The following MMP26 variants were observed in gnomAD, a reference collection of about 807,000 sequenced individuals.
The protein encoded by MMP26 is matrix metallopeptidase 26.
In MMP26, 33 loss-of-function variants were observed where a neutral mutation model predicts 31.0. That is an observed-to-expected ratio of 1.06 (90% CI 0.81 to 1.42). The LOEUF (loss-of-function observed/expected upper bound fraction) is 1.42, where lower values mean the gene tolerates loss of function less well. MMP26 is among the 40% of genes most tolerant of loss of function. The probability of loss-of-function intolerance (pLI) is 0.00; values close to 1 mark genes in which losing one functional copy is unlikely to be tolerated. For synonymous variants in MMP26, 122 were observed against 114.9 expected, an observed-to-expected ratio of 1.06 and a Z score of -0.40; for missense variants, 347 against 316.1, an observed-to-expected ratio of 1.10 and a Z score of -0.74.
chr11:4,859,491 T>A, intron 2 of MMP26: 2 of 356,910 alleles, frequency 5.6e-6, no homozygotes, highest in South Asian at 4.3e-5. Flanking sequence ...CCCACAAGCC[T>A]TACCCACTCC....
At chr11:4,930,351 T>C (rs192450116) in intron 2 of MMP26, among the ~76,000 whole-genome samples, 194 of 152,226 alleles carry the variant, frequency 1.3e-3, no homozygotes, top group African/African-American at 4.4e-3. Flanking sequence ...AAGGTATACC[T>C]TGGATATCTG....
chr11:4,865,771 A>G (rs1463342325), intron 2 of MMP26, among the ~76,000 whole-genome samples: 3 of 152,280 alleles, frequency 2.0e-5, no homozygotes, highest in South Asian at 2.1e-4. Context: ...AGCTTGGTCA[A>G]CTAAGACTGG....
intron 1 of MMP26, among the ~76,000 whole-genome samples, chr11:4,759,111 C>CAAAAAAAAAAAAAAA (rs989730402): frequency 2.3e-5 from 1 of 43,204 alleles, no homozygotes. Context: ...CATTCCATCT[C>CAAAAAAAAAAAAAAA]AAAAAAAAAA....
At chr11:4,811,788 G>A (rs1053904854) in intron 2 of MMP26, among the ~76,000 whole-genome samples, 1 of 151,930 alleles carries the variant, frequency 6.6e-6, no homozygotes. Flanking sequence ...GGCATGACCC[G>A]GGCTCTTGTG....
chr11:4,946,271 A>C lies in MMP26; in HGVS notation c.-144-41797A>C, dbSNP rs139806369. 3.1e-6 allele frequency: 5 copies of C among 1,613,984 alleles called. No homozygotes were observed. The highest frequency in any genetic ancestry group is 4.2e-6 in the Non-Finnish European group (5 of 1,179,974). ...AGGTACAAGTAGGAGAACATTTGCC[A>C]TGAGAACATTAATGAGGGGAGAGAC... is the stretch of plus-strand genomic sequence containing the variant. On this transcript the variant is annotated intron_variant, in intron 2 of 7. Transcript: ENST00000380390.
chr11:4,839,295 T>C (rs138375219), intron 2 of MMP26, among the ~76,000 whole-genome samples: 59 of 151,866 alleles, frequency 3.9e-4, no homozygotes, highest in African/African-American at 1.2e-3. Flanking sequence ...ACGAGTCCTG[T>C]TGCTGAACTG....
chr11:4,814,545 G>A (rs932207599), intron 2 of MMP26, among the ~76,000 whole-genome samples: 29 of 152,130 alleles, frequency 1.9e-4, no homozygotes, highest in African/African-American at 6.8e-4. Flanking sequence ...CCTACAAAAA[G>A]AGCCCAGTAA....
chr11:4,739,578 TGATATG>T (rs1330513422), intron 1 of MMP26, among the ~76,000 whole-genome samples: 2 of 151,884 alleles, frequency 1.3e-5, no homozygotes, highest in African/African-American at 4.9e-5. Context: ...TCCAACCACT[TGATATG>T]GAGAATATAC....
chr11:4,880,693 A>T (rs989816916), intron 2 of MMP26, among the ~76,000 whole-genome samples: 2 of 152,178 alleles, frequency 1.3e-5, no homozygotes, highest in Non-Finnish European at 1.5e-5. Flanking sequence ...ACTTGGATAT[A>T]TAAATTACCA....
chr11:4,974,631 T>A (rs950575268), intron 2 of MMP26, among the ~76,000 whole-genome samples: 3 of 152,122 alleles, frequency 2.0e-5, no homozygotes, highest in Non-Finnish European at 4.4e-5. Flanking sequence ...CCCATGCTGT[T>A]CTTTCTCTTT....
At chr11:4,951,602 C>G (rs1846374435) in intron 2 of MMP26, among the ~76,000 whole-genome samples, 1 of 124,034 alleles carries the variant, frequency 8.1e-6, no homozygotes, top group African/African-American at 2.7e-5. Flanking sequence ...TTGTTCCTGT[C>G]TGATACCATT....
chr11:4,713,355 C>T (rs968911511), intron 1 of MMP26, among the ~76,000 whole-genome samples: 1 of 152,120 alleles, frequency 6.6e-6, no homozygotes, highest in Admixed American at 6.6e-5. Flanking sequence ...ATCTCTCCCC[C>T]ACACTGGCAC....
intron 2 of MMP26, among the ~76,000 whole-genome samples, chr11:4,880,036 C>T (rs537107021): frequency 1.3e-5 from 2 of 152,060 alleles, no homozygotes; most frequent in South Asian, 2.1e-4. Context: ...GCTCTTCTCC[C>T]AGCCCTTGAT....
chr11:4,827,643 T>C (rs1377793027), intron 2 of MMP26, among the ~76,000 whole-genome samples: 1 of 151,892 alleles, frequency 6.6e-6, no homozygotes, highest in Non-Finnish European at 1.5e-5. Flanking sequence ...AATATTGTTA[T>C]TATTTATTGT....
At chr11:4,715,259 G>A (rs1390613597) in intron 1 of MMP26, among the ~76,000 whole-genome samples, 1 of 150,354 alleles carries the variant, frequency 6.7e-6, no homozygotes, top group African/African-American at 2.4e-5. Context: ...TCGTACAATG[G>A]AATAAACACT....
chr11:4,873,754 A>C (rs950342220), intron 2 of MMP26, among the ~76,000 whole-genome samples: 1 of 151,994 alleles, frequency 6.6e-6, no homozygotes, highest in Non-Finnish European at 1.5e-5. Context: ...TAAGTGCTCT[A>C]TCAATATTCC....
chr11:4,860,531 G>A (rs1392405231), intron 2 of MMP26: 4 of 469,612 alleles, frequency 8.5e-6, no homozygotes, highest in East Asian at 6.9e-5. Context: ...ATGAAGTTAC[G>A]GTGGTTGGCC....
chr11:4,972,055 G>T lies in MMP26; in HGVS notation c.-144-16013G>T, dbSNP rs1444038795. Among the ~76,000 whole-genome samples, 6 of 152,160 alleles carry T rather than the reference G, an allele frequency of 3.9e-5. No individual in the cohort carries two copies. The East Asian group carries it at 1.2e-3, about 29-fold the overall frequency. ...AATATGAGATCAGGAGGGGACAAAT[G>T]TCCAAAGCATGTAATTGACCTAACA... is the stretch of plus-strand genomic sequence containing the variant. On this transcript the variant is annotated intron_variant, in intron 2 of 7. Coordinates refer to ENST00000380390, the MANE Select transcript of MMP26 (RefSeq NM_021801.5).
At chr11:4,924,393 A>G in intron 2 of MMP26, 2 of 1,522,980 alleles carry the variant, frequency 1.3e-6, no homozygotes, top group African/African-American at 2.8e-5. Context: ...ATTCCTGGAA[A>G]GTGACAAGGC....
Sources: allele counts gnomAD v4.1 joint callset (sites outside exome capture counted in the v4.1 genomes callset), GRCh38; gene constraint gnomAD v4.1.1; transcripts MANE v1.5; gene names NCBI Gene and HGNC (gene_info 2026-07-23, HGNC 2026-07-21).